Variants in SLC15A1 observed in about 807,000 individuals in gnomAD.
SLC15A1 encodes Caco-2 oligopeptide transporter.
In SLC15A1, 83 loss-of-function variants were observed where a neutral mutation model predicts 92.9. The ratio of observed to expected loss-of-function variants is 0.89; its 90% CI spans 0.75 to 1.07. The LOEUF (loss-of-function observed/expected upper bound fraction) is 1.07. Ranked by LOEUF, SLC15A1 falls within the 50% of genes least tolerant of loss-of-function variation. The pLI is 0.00. For synonymous variants in SLC15A1, 322 were observed against 318.2 expected, an observed-to-expected ratio of 1.01 and a Z score of -0.13; for missense variants, 857 against 880.1, an observed-to-expected ratio of 0.97 and a Z score of 0.33.
chr13:98,749,353 AAGTG>A (rs1451571970), intron 1 of SLC15A1, among the ~76,000 whole-genome samples: 1 of 152,226 alleles, frequency 6.6e-6, no homozygotes, highest in African/African-American at 2.4e-5. Flanking sequence ...ATCCTACTTT[AAGTG>A]AGTGAGTATC....
intron 11 of SLC15A1, among the ~76,000 whole-genome samples, chr13:98,711,547 A>T (rs780586232): frequency 6.6e-5 from 10 of 152,216 alleles, no homozygotes; most frequent in Non-Finnish European, 8.8e-5. Flanking sequence ...CTTGACTCTC[A>T]GTTTTGATTG....
chr13:98,717,564 C>G (rs1185265036), intron 8 of SLC15A1, among the ~76,000 whole-genome samples: 1 of 152,132 alleles, frequency 6.6e-6, no homozygotes, highest in Admixed American at 6.5e-5. Context: ...TTTGGAAATG[C>G]TCTCTGTCTC....
At chr13:98,702,851 C>A (rs540095185) in intron 17 of SLC15A1, among the ~76,000 whole-genome samples, 1 of 149,338 alleles carries the variant, frequency 6.7e-6, no homozygotes, top group Non-Finnish European at 1.5e-5. Flanking sequence ...AGGAAGCTGA[C>A]GTGGGAGGGA....
chr13:98,704,552 C>T, intron 16 of SLC15A1, 117 bp from the exon 17 acceptor site: 2 of 1,077,416 alleles, frequency 1.9e-6, no homozygotes, highest in South Asian at 1.7e-5. Flanking sequence ...TTCATAGATA[C>T]CAAAAAAATG....
chr13:98,741,865 G>C (rs2088450960), intron 1 of SLC15A1, among the ~76,000 whole-genome samples: 1 of 152,152 alleles, frequency 6.6e-6, no homozygotes, highest in Non-Finnish European at 1.5e-5. Context: ...AATGCCATTT[G>C]CTCAAAGCAA....
chr13:98,714,723 A>T (rs1289124758), intron 9 of SLC15A1, among the ~76,000 whole-genome samples: 1 of 152,136 alleles, frequency 6.6e-6, no homozygotes, highest in Non-Finnish European at 1.5e-5. Flanking sequence ...GGTAAGATAA[A>T]GTAAGTGATC....
In SLC15A1 at chr13:98,723,467, G is replaced by A. The variant is rs72650316; in HGVS notation, c.365+445C>T. Among the ~76,000 whole-genome samples, 1,513 of 152,302 alleles carry A rather than the reference G, an allele frequency of 9.9e-3. 15 individuals carry two copies. Among genetic ancestry groups the A allele is most frequent in the Middle Eastern group, 0.02 (6 of 294 alleles). On this transcript the variant is annotated intron_variant, in intron 5 of 22. Coordinates refer to ENST00000376503, the MANE Select transcript of SLC15A1 (RefSeq NM_005073.4). The stretch of plus-strand genomic sequence containing the variant: ...TTATCAATAACACCTGCCATCCAGA[G>A]CCCAGCACAAATGGCTGGAACAAAT...
At chr13:98,741,140 G>C (rs930312080) in intron 1 of SLC15A1, among the ~76,000 whole-genome samples, 3 of 152,178 alleles carry the variant, frequency 2.0e-5, no homozygotes, top group Non-Finnish European at 4.4e-5. Context: ...GTGGGGCCTG[G>C]CCTGACAAGT....
chr13:98,740,107 C>A (rs2088431292), intron 1 of SLC15A1, among the ~76,000 whole-genome samples: 1 of 152,194 alleles, frequency 6.6e-6, no homozygotes, highest in Admixed American at 6.5e-5. Context: ...CAAATACAAG[C>A]CATCATGACA....
chr13:98,714,353 C>T (rs546368664), intron 9 of SLC15A1, among the ~76,000 whole-genome samples: 1 of 152,150 alleles, frequency 6.6e-6, no homozygotes, highest in South Asian at 2.1e-4. Flanking sequence ...TGAAATACAA[C>T]ACAATACAAC....
At chr13:98,740,247 G>T (rs1220531752) in intron 1 of SLC15A1, among the ~76,000 whole-genome samples, 1 of 152,200 alleles carries the variant, frequency 6.6e-6, no homozygotes, top group African/African-American at 2.4e-5. Context: ...AAACATGCCT[G>T]GGGCAGGGAG....
At position 98,726,404 on chromosome 13, in the gene SLC15A1, C is replaced by A; in HGVS notation, c.67G>T (p.Glu23Ter). The change falls in exon 3 of 23, where the codon GAG becomes TAG. Residue 23 changes from glutamate (E) to a stop codon, truncating the protein, a stop_gained. Transcript: ENST00000376503. LOFTEE classifies it high-confidence loss of function. ...TAGTAGGAAAATCTTTCGCAAAACT[C>A]ATTGACCACGATGAAGAAGATGCTC... is the stretch of plus-strand genomic sequence containing the variant. ...PLSIFFIVVNEFCERFSYYGM... is the reference protein window; with the variant it reads ...PLSIFFIVVN The A allele has an allele frequency of 6.2e-7, 1 of 1,614,160 alleles. No homozygotes were observed. The highest frequency in any genetic ancestry group is 8.5e-7 in the Non-Finnish European group (1 of 1,180,042).
At chr13:98,703,525 A>G (rs922713162) in intron 17 of SLC15A1, among the ~76,000 whole-genome samples, 4 of 132,754 alleles carry the variant, frequency 3.0e-5, no homozygotes, top group Non-Finnish European at 6.2e-5. Flanking sequence ...ATACCTTTGT[A>G]GCTGCTGCTG....
At chr13:98,704,924 C>A (rs1162157795) in intron 16 of SLC15A1, among the ~76,000 whole-genome samples, 2 of 151,892 alleles carry the variant, frequency 1.3e-5, no homozygotes, top group Non-Finnish European at 2.9e-5. Flanking sequence ...TAGGGCTGGG[C>A]GCGGTGGTTC....
rs2088305381 is a variant in SLC15A1 at position 98,726,821 on chromosome 13, G to C, written c.21+22C>G. 2.5e-6 allele frequency: 4 copies of C among 1,609,582 alleles called. No individual in the cohort carries two copies. The East Asian group carries it at 8.9e-5, about 36-fold the overall frequency. On this transcript the variant is annotated intron_variant, in intron 2 of 22. Transcript: ENST00000376503. ...AAAATTTACAAGATGAAGATATGTA[G>C]AGAAGGAAAAAGGGTACTCACGTGT...
At chr13:98,707,758 G>T (rs1467279740) in intron 15 of SLC15A1, among the ~76,000 whole-genome samples, 1 of 151,910 alleles carries the variant, frequency 6.6e-6, no homozygotes, top group Non-Finnish European at 1.5e-5. Flanking sequence ...AGTCGAGTGT[G>T]GTGGTGCATG....
chr13:98,738,186 A>C (rs2088410150), intron 1 of SLC15A1, among the ~76,000 whole-genome samples: 1 of 152,212 alleles, frequency 6.6e-6, no homozygotes, highest in Non-Finnish European at 1.5e-5. Flanking sequence ...TTAAAGCTAG[A>C]ACTTATATTT....
intron 1 of SLC15A1, among the ~76,000 whole-genome samples, chr13:98,742,716 C>CA (rs1229481977): frequency 1.3e-5 from 2 of 152,310 alleles, no homozygotes; most frequent in African/African-American, 2.4e-5. Context: ...CCACCATACT[C>CA]ACGTGGCGCT....
At chr13:98,722,561 G>A (rs1352510940) in intron 5 of SLC15A1, among the ~76,000 whole-genome samples, 1 of 151,990 alleles carries the variant, frequency 6.6e-6, no homozygotes, top group East Asian at 1.9e-4. Flanking sequence ...CAAATTTCTG[G>A]TTTTATAGGC....
Sources: gnomAD v4.1 joint callset for allele counts (sites outside exome capture counted in the v4.1 genomes callset) on GRCh38, gnomAD v4.1.1 for gene constraint, MANE v1.5 for transcripts, NCBI Gene and HGNC (gene_info 2026-07-23, HGNC 2026-07-21) for gene names.